Variants in FTCDNL1 observed in about 807,000 individuals in gnomAD.
FTCDNL1 encodes formiminotransferase cyclodeaminase N-terminal like, also known as formiminotransferase N-terminal subdomain-containing protein.
Under a neutral mutation model 5.9 loss-of-function variants are expected in FTCDNL1, and 11 were observed. The ratio of observed to expected loss-of-function variants is 1.87; its 90% CI spans 1.18 to 3.10. The LOEUF is 3.10. Ranked by LOEUF, FTCDNL1 falls within the 30% of genes most tolerant of loss-of-function variation. FTCDNL1 has a pLI of 0.00. For synonymous variants in FTCDNL1, 58 were observed against 24.8 expected, an observed-to-expected ratio of 2.34 and a Z score of -3.99; for missense variants, 115 against 65.5, an observed-to-expected ratio of 1.76 and a Z score of -2.61.
chr2:199,753,246 T>A, the FTCDNL1 span, among the ~76,000 whole-genome samples: 1 of 152,110 alleles, frequency 6.6e-6, no homozygotes, highest in Non-Finnish European at 1.5e-5. Context: ...AGCCAACATT[T>A]TAGAGAAGCT....
chr2:199,846,721 T>C (rs1180975062), intron 2 of FTCDNL1, among the ~76,000 whole-genome samples: 1 of 152,190 alleles, frequency 6.6e-6, no homozygotes, highest in Non-Finnish European at 1.5e-5. Flanking sequence ...CCTTCAGATG[T>C]TAACAACTTC....
intron 3 of FTCDNL1, among the ~76,000 whole-genome samples, chr2:199,771,830 C>A (rs925228690): frequency 9.2e-5 from 14 of 152,160 alleles, no homozygotes; most frequent in African/African-American, 2.7e-4. Flanking sequence ...TATACTACTT[C>A]CCCCCTTATC....
At chr2:199,832,039 A>G (rs1702406679) in intron 3 of FTCDNL1, among the ~76,000 whole-genome samples, 1 of 152,210 alleles carries the variant, frequency 6.6e-6, no homozygotes, top group African/African-American at 2.4e-5. Flanking sequence ...AGTATATAGT[A>G]TATCAGGAGT....
intron 3 of FTCDNL1, among the ~76,000 whole-genome samples, chr2:199,778,942 C>T (rs939121187): frequency 8.5e-5 from 13 of 152,076 alleles, no homozygotes; most frequent in African/African-American, 1.7e-4. Context: ...GACATGAGTA[C>T]CAAATAAGTA....
chr2:199,826,578 T>A (rs1390196392), intron 3 of FTCDNL1, among the ~76,000 whole-genome samples: 1 of 151,382 alleles, frequency 6.6e-6, no homozygotes, highest in African/African-American at 2.4e-5. Context: ...GTGGATCACT[T>A]GAGGTCGACA....
chr2:199,666,659 GT>G, the FTCDNL1 span, among the ~76,000 whole-genome samples: 1 of 152,120 alleles, frequency 6.6e-6, no homozygotes, highest in Admixed American at 6.5e-5. Context: ...GCTCACACCT[GT>G]CATCCCAGCA....
At chr2:199,667,387 A>G in the FTCDNL1 span, among the ~76,000 whole-genome samples, 1 of 152,164 alleles carries the variant, frequency 6.6e-6, no homozygotes. Context: ...CTGTAATCCC[A>G]GGACTTTGGG....
rs776865063 is a variant in FTCDNL1 at position 199,811,038 on chromosome 2, A to G, written c.*1667T>C. Among the ~76,000 whole-genome samples, 2 of 152,132 alleles carry G rather than the reference A, an allele frequency of 1.3e-5. No homozygotes were observed. Among genetic ancestry groups the G allele is most frequent in the Non-Finnish European group, 2.9e-5 (2 of 68,028 alleles). On this transcript the variant is annotated 3_prime_UTR_variant, in exon 5 of 5. Coordinates refer to ENST00000420128, the MANE Select transcript of FTCDNL1 (RefSeq NM_001363886.2). The stretch of plus-strand genomic sequence containing the variant: ...ACCACATTTCATCTTTTTCCCACAC[A>G]TGTACATAATGAAACATTTCAACTC...
chr2:199,830,377 G>A (rs1702292242), intron 3 of FTCDNL1, among the ~76,000 whole-genome samples: 1 of 152,160 alleles, frequency 6.6e-6, no homozygotes, highest in South Asian at 2.1e-4. Flanking sequence ...CTAATTAAGT[G>A]CAGACTAGGA....
chr2:199,689,180 A>G, the FTCDNL1 span, among the ~76,000 whole-genome samples: 1 of 152,234 alleles, frequency 6.6e-6, no homozygotes, highest in South Asian at 2.1e-4. Context: ...TCAAAACACC[A>G]CATAAAGAGA....
intron 3 of FTCDNL1, among the ~76,000 whole-genome samples, chr2:199,764,032 G>A (rs1698394071): frequency 6.6e-6 from 1 of 152,040 alleles, no homozygotes; most frequent in South Asian, 2.1e-4. Context: ...AGTAGATACG[G>A]GGTTTCACCA....
the FTCDNL1 span, among the ~76,000 whole-genome samples, chr2:199,687,070 G>A: frequency 6.6e-6 from 1 of 152,106 alleles, no homozygotes; most frequent in African/African-American, 2.4e-5. Flanking sequence ...TGTAGCTGAG[G>A]TTTATCCTAC....
intron 3 of FTCDNL1, among the ~76,000 whole-genome samples, chr2:199,791,754 G>C (rs1699936812): frequency 6.6e-6 from 1 of 151,990 alleles, no homozygotes; most frequent in African/African-American, 2.4e-5. Context: ...TGTTTCCAAA[G>C]GACTAATAGT....
chr2:199,725,005 G>A, the FTCDNL1 span, among the ~76,000 whole-genome samples: 1 of 152,014 alleles, frequency 6.6e-6, no homozygotes, highest in Non-Finnish European at 1.5e-5. Flanking sequence ...CTATTATTAT[G>A]CAGGCGTCTA....
At chr2:199,788,432 C>T (rs1699764368) in intron 3 of FTCDNL1, among the ~76,000 whole-genome samples, 3 of 151,986 alleles carry the variant, frequency 2.0e-5, no homozygotes, top group Admixed American at 6.5e-5. Context: ...AAAATGATCT[C>T]GACAACTTGG....
In FTCDNL1 at chr2:199,819,689, G is replaced by T; in HGVS notation, c.280C>A (p.Pro94Thr). ...CTCTGCACAAGACTGCGCTTCTCAG[G>T]CAGGTCAGCTTCGCCAAAGAGAAAC... ...SVFLFGEADL[P>T]EKRSLVQRRK... The change falls in exon 4 of 5, where the codon CCT becomes ACT. Residue 94 changes from proline (P) to threonine (T), a missense_variant. Pro to Thr is a conservative substitution (Grantham distance 38). Transcript: ENST00000420128. 1.4e-6 allele frequency: 1 copy of T among 702,320 alleles called. No individual in the cohort carries two copies. Among genetic ancestry groups the T allele is most frequent in the Non-Finnish European group, 2.6e-6 (1 of 384,812 alleles). The allele number at this position is 702,320 out of a possible 1,614,324, so 43.5% of individuals were successfully genotyped here. A position where few individuals can be genotyped will look rare whatever the true frequency, so the allele number is the denominator to read the frequency against.
At chr2:199,825,281 A>C (rs570465716) in intron 3 of FTCDNL1, among the ~76,000 whole-genome samples, 1 of 152,334 alleles carries the variant, frequency 6.6e-6, no homozygotes, top group African/African-American at 2.4e-5. Context: ...GACTCACTTG[A>C]TGCAGGGTTG....
chr2:199,752,178 G>A, the FTCDNL1 span, among the ~76,000 whole-genome samples: 7 of 152,040 alleles, frequency 4.6e-5, no homozygotes, highest in African/African-American at 1.4e-4. Flanking sequence ...AGGATGCCTC[G>A]ACTTCCAGGC....
the FTCDNL1 span, among the ~76,000 whole-genome samples, chr2:199,689,257 A>G: frequency 1.3e-5 from 2 of 152,310 alleles, no homozygotes; most frequent in South Asian, 4.1e-4. Context: ...CCTTAATGAA[A>G]GAGAATTTTT....
Sources: allele counts gnomAD v4.1 joint callset (sites outside exome capture counted in the v4.1 genomes callset), GRCh38; gene constraint gnomAD v4.1.1; transcripts MANE v1.5; gene names NCBI Gene and HGNC (gene_info 2026-07-23, HGNC 2026-07-21).